Variants in NAALADL2 observed in about 807,000 individuals in gnomAD.
The protein encoded by NAALADL2 is inactive N-acetylated-alpha-linked acidic dipeptidase-like protein 2.
A neutral mutation model predicts 87.2 loss-of-function variants in NAALADL2; 76 were observed. The observed-to-expected ratio is 0.87, with a 90% CI of 0.72 to 1.05. The LOEUF is 1.05. Among genes scored for constraint, NAALADL2 ranks in the 50% least tolerant of loss-of-function variants. NAALADL2 has a pLI of 0.00. For synonymous variants in NAALADL2, 354 were observed against 331.0 expected, an observed-to-expected ratio of 1.07 and a Z score of -0.75; for missense variants, 1,089 against 945.8, an observed-to-expected ratio of 1.15 and a Z score of -1.99.
At chr3:174,788,836 A>G (rs992085477) in intron 3 of NAALADL2, among the ~76,000 whole-genome samples, 1 of 152,174 alleles carries the variant, frequency 6.6e-6, no homozygotes, top group Non-Finnish European at 1.5e-5. Context: ...CAACCTATAC[A>G]GGCATTAATC....
intron 2 of NAALADL2, among the ~76,000 whole-genome samples, chr3:175,218,960 C>T (rs988633611): frequency 1.3e-5 from 2 of 151,822 alleles, no homozygotes; most frequent in African/African-American, 4.8e-5. Context: ...TGTGAGCCAC[C>T]GTGCCCAGCC....
At chr3:174,485,628 T>C (rs1220801438) in intron 1 of NAALADL2, among the ~76,000 whole-genome samples, 1 of 152,036 alleles carries the variant, frequency 6.6e-6, no homozygotes, top group Non-Finnish European at 1.5e-5. Flanking sequence ...GGACATGATC[T>C]TGTTATTTTT....
At chr3:175,010,563 C>T (rs763922575) in intron 1 of NAALADL2, among the ~76,000 whole-genome samples, 3 of 152,142 alleles carry the variant, frequency 2.0e-5, no homozygotes, top group Non-Finnish European at 4.4e-5. Context: ...GAATGTTTAT[C>T]TCACAGGGTA....
intron 1 of NAALADL2, among the ~76,000 whole-genome samples, chr3:174,976,477 G>A (rs1453746310): frequency 1.3e-5 from 2 of 152,182 alleles, no homozygotes; most frequent in African/African-American, 4.8e-5. Context: ...TTTCCTATGT[G>A]TTTGCCTTGA....
rs115172285 is a variant in NAALADL2 at position 174,990,314 on chromosome 3, C to T, written c.44-106476C>T. On this transcript the variant is annotated intron_variant, in intron 1 of 13. Coordinates refer to ENST00000454872, the MANE Select transcript of NAALADL2 (RefSeq NM_207015.3). ...GACAGCTAGTCTGCTGTCACATCATCACATCTGAAACATATTTTATCAGTC... is the reference window on the plus strand; with the variant it reads ...GACAGCTAGTCTGCTGTCACATCATTACATCTGAAACATATTTTATCAGTC... Among the ~76,000 whole-genome samples, 1,132 of 152,256 alleles carry T rather than the reference C, an allele frequency of 7.4e-3. 11 individuals are homozygous for T. Among genetic ancestry groups the T allele is most frequent in the African/African-American group, 0.025 (1,049 of 41,542 alleles).
At chr3:175,299,069 T>A (rs1180457447) in intron 4 of NAALADL2, among the ~76,000 whole-genome samples, 1 of 152,180 alleles carries the variant, frequency 6.6e-6, no homozygotes, top group Non-Finnish European at 1.5e-5. Flanking sequence ...TTGTCAAAGA[T>A]CAAATGGTTG....
At chr3:175,374,081 C>G (rs1766823121) in intron 5 of NAALADL2, among the ~76,000 whole-genome samples, 1 of 151,960 alleles carries the variant, frequency 6.6e-6, no homozygotes, top group African/African-American at 2.4e-5. Flanking sequence ...ATATTTTCTA[C>G]CAATTAGTGG....
chr3:174,802,028 A>G (rs1211366845), intron 3 of NAALADL2, among the ~76,000 whole-genome samples: 1 of 152,106 alleles, frequency 6.6e-6, no homozygotes, highest in African/African-American at 2.4e-5. Context: ...AAATACCACA[A>G]TTGGCATTTT....
chr3:174,910,536 G>A (rs1733560523), intron 1 of NAALADL2, among the ~76,000 whole-genome samples: 2 of 152,012 alleles, frequency 1.3e-5, no homozygotes. Flanking sequence ...GAATGGTGAG[G>A]TAATTTATTT....
intron 3 of NAALADL2, among the ~76,000 whole-genome samples, chr3:174,771,645 C>G (rs576620): frequency 0.53 from 80,115 of 151,986 alleles, 21,498 homozygotes; most frequent in Middle Eastern, 0.64. Context: ...TGTTTAGATT[C>G]CATTCTACAC....
At chr3:174,654,174 A>T (rs929408740) in intron 2 of NAALADL2, among the ~76,000 whole-genome samples, 7 of 152,026 alleles carry the variant, frequency 4.6e-5, no homozygotes, top group African/African-American at 1.7e-4. Flanking sequence ...GAAAGTGGTC[A>T]AACCCATTTA....
chr3:174,634,888 T>C (rs1351769175), intron 2 of NAALADL2, among the ~76,000 whole-genome samples: 1 of 152,200 alleles, frequency 6.6e-6, no homozygotes, highest in African/African-American at 2.4e-5. Flanking sequence ...TTCAAGTTGT[T>C]ATAGATGTAA....
intron 3 of NAALADL2, among the ~76,000 whole-genome samples, chr3:174,753,005 T>C (rs1734986447): frequency 6.6e-6 from 1 of 152,236 alleles, no homozygotes; most frequent in South Asian, 2.1e-4. Context: ...GTGATAGATG[T>C]ATGATTAACA....
At chr3:174,720,335 C>A (rs1213615231) in intron 2 of NAALADL2, among the ~76,000 whole-genome samples, 1 of 151,796 alleles carries the variant, frequency 6.6e-6, no homozygotes, top group Non-Finnish European at 1.5e-5. Flanking sequence ...ACTGACATGG[C>A]CATTAATTAA....
At chr3:174,624,172 T>TA (rs1350395778) in intron 2 of NAALADL2, among the ~76,000 whole-genome samples, 1 of 134,102 alleles carries the variant, frequency 7.5e-6, no homozygotes, top group Non-Finnish European at 1.6e-5. Context: ...AATAATTCTG[T>TA]AAGCTTATAC....
intron 5 of NAALADL2, among the ~76,000 whole-genome samples, chr3:175,327,513 G>A (rs1241729120): frequency 1.3e-5 from 2 of 152,058 alleles, no homozygotes; most frequent in African/African-American, 4.8e-5. Flanking sequence ...CACAACACCA[G>A]TATTTTTCAA....
intron 2 of NAALADL2, among the ~76,000 whole-genome samples, chr3:175,109,196 G>A (rs546484079): frequency 6.6e-6 from 1 of 151,954 alleles, no homozygotes; most frequent in South Asian, 2.1e-4. Flanking sequence ...AAACTGTTAT[G>A]GGGGAAAGTA....
At chr3:174,594,602 A>G (rs1717696514) in intron 2 of NAALADL2, among the ~76,000 whole-genome samples, 1 of 152,194 alleles carries the variant, frequency 6.6e-6, no homozygotes, top group African/African-American at 2.4e-5. Context: ...ACTGACCCAG[A>G]CTAGCTAACC....
chr3:174,892,441 GAAAC>G (rs201363818), intron 1 of NAALADL2, among the ~76,000 whole-genome samples: 1,862 of 151,976 alleles, frequency 0.012, 33 homozygotes, highest in African/African-American at 0.04. Context: ...ACTGTCAGAG[GAAAC>G]AAACAAACAA....
Sources: allele counts gnomAD v4.1 joint callset (sites outside exome capture counted in the v4.1 genomes callset), GRCh38; gene constraint gnomAD v4.1.1; transcripts MANE v1.5; gene names NCBI Gene and HGNC (gene_info 2026-07-23, HGNC 2026-07-21).